Variants in CEP350 observed in about 807,000 individuals in gnomAD.
CEP350 encodes centrosome-associated protein 350.
In CEP350, 126 loss-of-function variants were observed where a neutral mutation model predicts 331.8. That is an observed-to-expected ratio of 0.38 (90% confidence interval 0.33 to 0.44). The LOEUF is 0.44. Among genes scored for constraint, CEP350 ranks in the 20% least tolerant of loss-of-function variants. CEP350 has a pLI of 1.00. For missense variants in CEP350, 3,406 were observed against 3,634.6 expected, an observed-to-expected ratio of 0.94 and a Z score of 1.62; for synonymous variants, 1,200 against 1,259.5, an observed-to-expected ratio of 0.95 and a Z score of 1.00.
chr1:180,080,995 G>A (rs536282809), intron 30 of CEP350, among the ~76,000 whole-genome samples: 1 of 151,754 alleles, frequency 6.6e-6, no homozygotes, highest in East Asian at 1.9e-4. Context: ...GAGAAGCTGG[G>A]ATTACAGGCA....
chr1:180,070,981 C>G lies in CEP350; in HGVS notation c.5568-4041C>G, dbSNP rs568702490. Among the ~76,000 whole-genome samples, 5 of 151,954 alleles carry G rather than the reference C, an allele frequency of 3.3e-5. No individual in the cohort carries two copies. The East Asian group carries it at 7.8e-4, about 24-fold the overall frequency. ...TGGCCAACATGGTGAAACCCCATCTCTACTAAAAATACAAAAATTAGCTGG... is the reference window on the plus strand; with the variant it reads ...TGGCCAACATGGTGAAACCCCATCTGTACTAAAAATACAAAAATTAGCTGG... On this transcript the variant is annotated intron_variant, in intron 27 of 37. Coordinates refer to ENST00000367607, the MANE Select transcript of CEP350 (RefSeq NM_014810.5).
rs771996759 is a variant in CEP350, at chr1:180,015,859, G to A, written c.2063G>A (p.Gly688Glu). 1.2e-6 allele frequency: 2 copies of A among 1,613,500 alleles called. No homozygotes were observed. Among genetic ancestry groups the A allele is most frequent in the Non-Finnish European group, 8.5e-7 (1 of 1,179,666 alleles). The change falls in exon 11 of 38, where the codon GGG becomes GAG. Residue 688 changes from glycine to glutamate, a missense_variant. By Grantham distance (98) the Gly-to-Glu change is moderately conservative (BLOSUM62 -2). Around this residue, in one of 5 missense-constraint regions of CEP350, gnomAD observed 1,857 missense variants for 1,909.2 expected, o/e 0.97. Transcript: ENST00000367607. Reference protein sequence around the residue: ...HVTQETQAKPGYQPSGESDKE... With the variant: ...HVTQETQAKPEYQPSGESDKE... The stretch of plus-strand genomic sequence containing the variant: ...GTCCTTTTCTCCTAGGCCAAACCAG[G>A]GTATCAGCCATCTGGAGAATCTGAC...
intron 37 of CEP350, among the ~76,000 whole-genome samples, chr1:180,105,985 G>C (rs574044170): frequency 5.3e-5 from 8 of 152,234 alleles, no homozygotes; most frequent in Non-Finnish European, 1.2e-4. Context: ...TTCACCTCTA[G>C]TTCTCATTCA....
rs763034931 is a variant in CEP350 at position 179,996,891 on chromosome 1, A to G, written c.734A>G (p.His245Arg). 6.2e-7 allele frequency: 1 copy of G among 1,614,070 alleles called. No homozygotes were observed. Among genetic ancestry groups the G allele is most frequent in the Non-Finnish European group, 8.5e-7 (1 of 1,179,890 alleles). ...AAGCTTTCTGTGAATAACATGGCCCATGATACTGATCCAAAAGCGTTACGA... is the reference window on the plus strand; with the variant it reads ...AAGCTTTCTGTGAATAACATGGCCCGTGATACTGATCCAAAAGCGTTACGA... ...NLKLSVNNMA[H>R]DTDPKALRLT... Residue 245 changes from histidine (H) to arginine (R), a missense_variant, in exon 6 of 38, where the codon CAT becomes CGT. Physicochemically the swap from His to Arg is conservative, Grantham distance 29. Transcript: ENST00000367607.
intron 1 of CEP350, among the ~76,000 whole-genome samples, chr1:179,973,600 A>G (rs1420235525): frequency 6.6e-6 from 1 of 152,190 alleles, no homozygotes; most frequent in Admixed American, 6.5e-5. Flanking sequence ...TTGCACATTA[A>G]TGATGACATG....
At chr1:180,021,506 T>TAA (rs1429230179) in intron 12 of CEP350, among the ~76,000 whole-genome samples, 1 of 151,898 alleles carries the variant, frequency 6.6e-6, no homozygotes, top group African/African-American at 2.4e-5. Flanking sequence ...ATACAAAAAA[T>TAA]ATTTAGCTGA....
chr1:180,097,049 A>G (rs1462663655), intron 36 of CEP350, among the ~76,000 whole-genome samples: 1 of 152,182 alleles, frequency 6.6e-6, no homozygotes, highest in African/African-American at 2.4e-5. Context: ...TATTTCCCAA[A>G]CTTATTTGAT....
chr1:180,046,244 T>A (rs1438733527), intron 21 of CEP350, among the ~76,000 whole-genome samples: 1 of 152,196 alleles, frequency 6.6e-6, no homozygotes, highest in Admixed American at 6.5e-5. Context: ...TTACTCCCTA[T>A]ACCCTCCTCT....
intron 1 of CEP350, 21 bp from the exon 2 acceptor site, chr1:179,986,148 T>C (rs1571820021): frequency 2.6e-6 from 4 of 1,528,444 alleles, no homozygotes. Flanking sequence ...TGATGTTCGG[T>C]GAATACTGAT....
chr1:180,100,672 G>A (rs1180086066), intron 37 of CEP350, among the ~76,000 whole-genome samples: 1 of 152,192 alleles, frequency 6.6e-6, no homozygotes, highest in Non-Finnish European at 1.5e-5. Context: ...TGGAAGAATA[G>A]GGAGCTGTTA....
intron 1 of CEP350, among the ~76,000 whole-genome samples, chr1:179,970,550 TC>T (rs1651366650): frequency 6.6e-6 from 1 of 151,088 alleles, no homozygotes; most frequent in Non-Finnish European, 1.5e-5. Context: ...GTTAACTTTT[TC>T]TTAACCTATC....
chr1:180,065,813 A>G (rs748547584), intron 27 of CEP350, among the ~76,000 whole-genome samples: 3 of 151,984 alleles, frequency 2.0e-5, no homozygotes, highest in Non-Finnish European at 4.4e-5. Flanking sequence ...CCCTTCTTTT[A>G]TTGAAAGAAA....
At chr1:180,095,381 T>G in intron 34 of CEP350, 142 bp from the exon 35 acceptor site, 16 of 936,000 alleles carry the variant, frequency 1.7e-5, no homozygotes, top group Non-Finnish European at 2.4e-5. Context: ...TGTTTATTAG[T>G]AGCCACCATA....
In CEP350 at chr1:180,095,856, A is replaced by G; in HGVS notation, c.8845A>G (p.Ile2949Val). Reference sequence around the variant, plus strand: ...AGGCCACGATCTTCATAGCATCAGTATTCCTACAAAACTGCTTGGCTGTGC... The same window carrying G: ...AGGCCACGATCTTCATAGCATCAGTGTTCCTACAAAACTGCTTGGCTGTGC... Reference protein sequence around the residue: ...ELGHDLHSISIPTKLLGCASK... With the variant: ...ELGHDLHSISVPTKLLGCASK... Residue 2949 changes from isoleucine (I) to valine (V), a missense_variant, in exon 35 of 38, where the codon ATT becomes GTT. Around this residue, in one of 5 missense-constraint regions of CEP350, gnomAD observed 1,415 missense variants for 1,512.3 expected, o/e 0.94. Coordinates refer to ENST00000367607, the MANE Select transcript of CEP350 (RefSeq NM_014810.5). 1.2e-6 allele frequency: 2 copies of G among 1,613,812 alleles called. No homozygotes were observed. Among genetic ancestry groups the G allele is most frequent in the Non-Finnish European group, 1.7e-6 (2 of 1,179,812 alleles).
intron 7 of CEP350, 29 bp from the exon 8 acceptor site, chr1:180,006,425 T>C (rs565754188): frequency 9.6e-7 from 1 of 1,046,660 alleles, no homozygotes; most frequent in Non-Finnish European, 1.5e-6. Flanking sequence ...ATCATTGTTA[T>C]ATTTGCTGTA....
intron 4 of CEP350, 102 bp from the exon 5 acceptor site, chr1:179,991,960 T>C: frequency 9.0e-7 from 1 of 1,115,110 alleles, no homozygotes; most frequent in Non-Finnish European, 1.2e-6. Flanking sequence ...TATCCAACTA[T>C]TAGAAATAAT....
intron 36 of CEP350, among the ~76,000 whole-genome samples, chr1:180,096,402 CAA>C (rs34405391): frequency 8.7e-5 from 12 of 138,490 alleles, no homozygotes; most frequent in Admixed American, 2.8e-4. Context: ...CAAGTTTGTG[CAA>C]AAAAAAAAAA....
chr1:180,009,831 A>C (rs965974028), intron 8 of CEP350, among the ~76,000 whole-genome samples: 1 of 152,186 alleles, frequency 6.6e-6, no homozygotes, highest in Admixed American at 6.5e-5. Context: ...TCTAAAGTAA[A>C]CAGCACACAT....
At chr1:180,027,466 G>A (rs543261861) in intron 14 of CEP350, among the ~76,000 whole-genome samples, 3 of 152,158 alleles carry the variant, frequency 2.0e-5, no homozygotes, top group African/African-American at 7.2e-5. Context: ...GCTCACCGTA[G>A]CCTCAACATC....
Sources: allele counts gnomAD v4.1 joint callset (sites outside exome capture counted in the v4.1 genomes callset), GRCh38; gene constraint gnomAD v4.1.1; regional missense constraint gnomAD v4.1.1; transcripts MANE v1.5; gene names NCBI Gene and HGNC (gene_info 2026-07-23, HGNC 2026-07-21).